WDR75: variants seen among roughly 807,000 people sequenced by gnomAD.
The protein encoded by WDR75 is WD repeat-containing protein 75.
A neutral mutation model predicts 106.1 loss-of-function variants in WDR75; 52 were observed. The observed-to-expected ratio is 0.49, with a 90% CI of 0.39 to 0.62. The LOEUF is 0.62. WDR75 is among the 20% of genes least tolerant of loss of function. The pLI, the probability that WDR75 is intolerant of heterozygous loss-of-function variation, is 0.00. For synonymous variants in WDR75, 333 were observed against 335.5 expected (o/e 0.99, Z 0.08); for missense variants, 905 against 970.3 (o/e 0.93, Z 0.89).
chr2:189,460,417 G>T (rs1223524563), intron 8 of WDR75, among the ~76,000 whole-genome samples: 1 of 152,038 alleles, frequency 6.6e-6, no homozygotes, highest in Non-Finnish European at 1.5e-5. Context: ...CTGCTCATTT[G>T]TATTCTCTAC....
chr2:189,467,368 CAGAA>C, intron 13 of WDR75, 96 bp from the exon 14 acceptor site: 1 of 1,297,838 alleles, frequency 7.7e-7, no homozygotes. Flanking sequence ...ACTGAAACCA[CAGAA>C]AGTGAACCCT....
In WDR75 at chr2:189,474,233, G is replaced by C. The variant is rs143279997; in HGVS notation, c.2097G>C (p.Leu699Phe). The C allele has an allele frequency of 1.1e-4, 175 of 1,613,618 alleles. 2 individuals carry two copies. The African/African-American group carries it at 2.3e-3, about 21-fold the overall frequency. The change falls in exon 19 of 21, where the codon TTG (leucine) becomes TTC (phenylalanine). Residue 699 changes from leucine (L) to phenylalanine (F), a missense_variant. By Grantham distance (22) the Leu-to-Phe change is conservative. Coordinates refer to ENST00000314761, the MANE Select transcript of WDR75 (RefSeq NM_032168.3). ...CCACAACCCCATTTTATTTCATATTGGGAAAACACAGGCAACAGCAGGATG... is the reference window on the plus strand; with the variant it reads ...CCACAACCCCATTTTATTTCATATTCGGAAAACACAGGCAACAGCAGGATG... ...SLPTTPFYFI[L>F]GKHRQQQDEK...
At chr2:189,466,924 A>G (rs1204070437) in intron 13 of WDR75, among the ~76,000 whole-genome samples, 1 of 152,134 alleles carries the variant, frequency 6.6e-6, no homozygotes, top group Non-Finnish European at 1.5e-5. Context: ...ATTTTGTAGC[A>G]GTTCTGACTT....
intron 6 of WDR75, 109 bp downstream of exon 6, chr2:189,457,490 G>T: frequency 1.5e-6 from 1 of 688,474 alleles, no homozygotes; most frequent in Non-Finnish European, 2.5e-6. Context: ...TATGTTGCAA[G>T]AGAGTGTAAG....
Position 189,465,239 on chromosome 2 carries a change from A to G in WDR75, c.1274A>G (p.Asn425Ser), listed in dbSNP as rs1426134172. Residue 425 changes from asparagine to serine, a missense_variant, in exon 12 of 21, where the codon AAT becomes AGT. Coordinates refer to ENST00000314761, the MANE Select transcript of WDR75 (RefSeq NM_032168.3). ...TTGCAAATGAAACTGTGGATGTATA[A>G]TAAGAAAACACAAGGGTAATACTAT... ...LELQMKLWMYNKKTQGFILNT... is the reference protein window; with the variant it reads ...LELQMKLWMYSKKTQGFILNT... 1.2e-6 allele frequency: 2 copies of G among 1,612,068 alleles called. No homozygotes were observed. Among genetic ancestry groups the G allele is most frequent in the African/African-American group, 2.7e-5 (2 of 74,826 alleles).
chr2:189,448,284 G>A (rs1429317834), intron 1 of WDR75, 95 bp from the exon 2 acceptor site: 5 of 1,365,996 alleles, frequency 3.7e-6, no homozygotes, highest in Non-Finnish European at 4.9e-6. Context: ...AGGAGTTCAA[G>A]ACCACTGAAA....
chr2:189,453,331 A>G (rs1686665401), intron 4 of WDR75, among the ~76,000 whole-genome samples: 1 of 152,296 alleles, frequency 6.6e-6, no homozygotes, highest in South Asian at 2.1e-4. Flanking sequence ...CATTTTTAAT[A>G]TCGTCCCAGG....
chr2:189,460,924 T>C (rs1395322807), intron 8 of WDR75, among the ~76,000 whole-genome samples: 1 of 152,192 alleles, frequency 6.6e-6, no homozygotes, highest in Admixed American at 6.5e-5. Flanking sequence ...GTATGAGTTA[T>C]TAGAAAAAGA....
chr2:189,455,575 G>T, intron 5 of WDR75, 131 bp downstream of exon 5: 2 of 1,192,656 alleles, frequency 1.7e-6, no homozygotes, highest in Non-Finnish European at 2.3e-6. Flanking sequence ...TAACTAAGAA[G>T]CCTCTTCATT....
rs114366220 is a variant in WDR75, at chr2:189,462,538, C to T, written c.833C>T (p.Ala278Val). 6.2e-6 allele frequency: 10 copies of T among 1,614,050 alleles called. No individual in the cohort carries two copies. The East Asian group carries it at 2.2e-4, about 36-fold the overall frequency. ...RESVLVEWRDATEKNKEFLPR... is the reference protein window; with the variant it reads ...RESVLVEWRDVTEKNKEFLPR... ...TCTGTACTTGTAGAGTGGCGCGATG[C>T]AACAGAGAAGAATAAGGAGTTTCTC... The change falls in exon 9 of 21, where the codon GCA becomes GTA. Residue 278 changes from alanine (A) to valine (V), a missense_variant. Physicochemically the swap from Ala to Val is moderately conservative, Grantham distance 64. Coordinates refer to ENST00000314761, the MANE Select transcript of WDR75 (RefSeq NM_032168.3).
intron 18 of WDR75, among the ~76,000 whole-genome samples, chr2:189,472,409 C>G (rs1229931849): frequency 6.6e-6 from 1 of 152,164 alleles, no homozygotes; most frequent in Non-Finnish European, 1.5e-5. Context: ...TTACTTCTTT[C>G]TCTATTCTTT....
At chr2:189,458,469 C>T (rs567290326) in intron 6 of WDR75, among the ~76,000 whole-genome samples, 168 of 152,150 alleles carry the variant, frequency 1.1e-3, no homozygotes, top group African/African-American at 3.7e-3. Context: ...AAAAAAAAAT[C>T]ACTAAAATCT....
At chr2:189,474,673 G>A (rs577278627) in intron 19 of WDR75, 44 bp from the exon 20 acceptor site, 4 of 1,531,384 alleles carry the variant, frequency 2.6e-6, no homozygotes, top group Non-Finnish European at 3.6e-6. Context: ...CTGCGGTGGA[G>A]GATAAGCTTT....
chr2:189,456,836 G>A (rs988708798), intron 5 of WDR75, among the ~76,000 whole-genome samples: 1 of 152,072 alleles, frequency 6.6e-6, no homozygotes, highest in African/African-American at 2.4e-5. Flanking sequence ...TTCTGTCATT[G>A]TTTCAATAGT....
At chr2:189,474,882 G>T in intron 20 of WDR75, 74 bp downstream of exon 20, 1 of 1,203,576 alleles carries the variant, frequency 8.3e-7, no homozygotes, top group Non-Finnish European at 1.2e-6. Context: ...TCCTTTTTTA[G>T]AGTATTCTTC....
At position 189,465,085 on chromosome 2, in the gene WDR75, A is replaced by G. The variant is rs375110761; in HGVS notation, c.1120A>G (p.Ile374Val). 2.1e-5 allele frequency: 34 copies of G among 1,587,282 alleles called. No individual in the cohort carries two copies. The highest frequency in any genetic ancestry group is 2.7e-5 in the Non-Finnish European group (32 of 1,166,504). ...QSDKQLYNLD[I>V]IQQEYINDYG... is the part of the protein sequence containing the mutation. ...GGTTTTTTTTACTCATCAGTTAGAT[A>G]TTATACAGCAAGAATATATTAATGA... The change falls in exon 12 of 21, where the codon ATT (isoleucine) becomes GTT (valine). Residue 374 changes from isoleucine to valine, a missense_variant. Ile to Val is a conservative substitution (Grantham distance 29). Coordinates refer to ENST00000314761, the MANE Select transcript of WDR75 (RefSeq NM_032168.3).
Position 189,441,536 on chromosome 2 carries a change from G to A in WDR75, c.44G>A (p.Ser15Asn). The change falls in exon 1 of 21, where the codon AGC (serine) becomes AAC (asparagine). Residue 15 changes from serine to asparagine, a missense_variant. Coordinates refer to ENST00000314761, the MANE Select transcript of WDR75 (RefSeq NM_032168.3). ...ENIRVVRCGG[S>N]ELNFRRAVFS... The stretch of plus-strand genomic sequence containing the variant: ...ATCCGCGTGGTTCGTTGTGGCGGCA[G>A]CGAGTTGAACTTTAGGAGAGCTGTG... 1 of 1,565,066 alleles carries A rather than the reference G, an allele frequency of 6.4e-7. No individual in the cohort carries two copies. The highest frequency in any genetic ancestry group is 8.7e-7 in the Non-Finnish European group (1 of 1,153,578).
rs115592886 is a variant in WDR75 at position 189,466,440 on chromosome 2, T to C, written c.1305T>C (p.Thr435=). The C allele has an allele frequency of 1.4e-5, 22 of 1,612,610 alleles. No individual in the cohort carries two copies. In the East Asian group the frequency reaches 4.0e-4, roughly 29 times the overall value. The change falls in exon 13 of 21, where the codon ACT becomes ACC. Residue 435 remains threonine (T), a synonymous_variant. Transcript: ENST00000314761. ...TTCCCGCTAGGTTTATTCTTAACAC[T>C]AAAATTAACATGCCACACGAAGACT... ...NKKTQGFILN[T]KINMPHEDCI...
intron 6 of WDR75, among the ~76,000 whole-genome samples, chr2:189,457,998 A>G (rs1223878923): frequency 7.5e-6 from 1 of 133,532 alleles, no homozygotes. Context: ...TTCTCGGCTC[A>G]CTGTAACCTC....
Sources: gnomAD v4.1 joint callset for allele counts (sites outside exome capture counted in the v4.1 genomes callset) on GRCh38, gnomAD v4.1.1 for gene constraint, MANE v1.5 for transcripts, NCBI Gene and HGNC (gene_info 2026-07-23, HGNC 2026-07-21) for gene names.